HS6ST3: variants seen among roughly 807,000 people sequenced by gnomAD.
HS6ST3 encodes heparan sulfate 6-O-sulfotransferase 3.
HS6ST3 carries 12 observed loss-of-function variants against 36.7 expected under a neutral mutation model. That is an observed-to-expected ratio of 0.33 (90% CI 0.21 to 0.53). The LOEUF is 0.53. HS6ST3 is among the 20% of genes least tolerant of loss of function. The probability of loss-of-function intolerance (pLI) is 0.95; values close to 1 mark genes in which losing one functional copy is unlikely to be tolerated. For synonymous variants in HS6ST3, 240 were observed against 257.5 expected (o/e 0.93, Z 0.65); for missense variants, 584 against 640.9 (o/e 0.91, Z 0.96).
chr13:96,366,084 G>T (rs2055261164), intron 1 of HS6ST3, among the ~76,000 whole-genome samples: 1 of 152,154 alleles, frequency 6.6e-6, no homozygotes, highest in South Asian at 2.1e-4. Context: ...GGTGACTAAA[G>T]GATTAGAAGA....
chr13:96,544,391 T>A (rs1293941623), intron 1 of HS6ST3, among the ~76,000 whole-genome samples: 1 of 152,176 alleles, frequency 6.6e-6, no homozygotes, highest in African/African-American at 2.4e-5. Flanking sequence ...ACTTCCAATA[T>A]TTACATGGCT....
At chr13:96,167,690 T>C (rs908013426) in intron 1 of HS6ST3, among the ~76,000 whole-genome samples, 21 of 152,228 alleles carry the variant, frequency 1.4e-4, no homozygotes, top group Admixed American at 1.1e-3. Flanking sequence ...TTAATCATGC[T>C]GAATCGTGCA....
At chr13:96,528,715 C>G (rs999059132) in intron 1 of HS6ST3, among the ~76,000 whole-genome samples, 2 of 152,152 alleles carry the variant, frequency 1.3e-5, no homozygotes, top group South Asian at 4.1e-4. Flanking sequence ...TTACCACTTA[C>G]ATGTTGTACC....
chr13:96,513,227 G>A (rs998631036), intron 1 of HS6ST3, among the ~76,000 whole-genome samples: 6 of 150,808 alleles, frequency 4.0e-5, no homozygotes, highest in African/African-American at 1.2e-4. Context: ...GAAGTCCAGT[G>A]ACTTTCCACA....
rs1161746195 is a variant in HS6ST3, at chr13:96,838,144, A to C, written c.*4946A>C. 1 of 152,212 alleles carries C rather than the reference A, an allele frequency of 6.6e-6. No individual in the cohort carries two copies. Among genetic ancestry groups the C allele is most frequent in the Non-Finnish European group, 1.5e-5 (1 of 68,054 alleles). 9.4% of individuals were successfully genotyped at this position (152,212 alleles called of 1,614,324 possible). Reference sequence around the variant, plus strand: ...AACTCTAGAGAAAATTGTGGCTCCTAAAGGAGGCAGATCTTTCCAAGGTGG... The same window carrying C: ...AACTCTAGAGAAAATTGTGGCTCCTCAAGGAGGCAGATCTTTCCAAGGTGG... On this transcript the variant is annotated 3_prime_UTR_variant, in exon 2 of 2. Coordinates refer to ENST00000376705, the MANE Select transcript of HS6ST3 (RefSeq NM_153456.4).
intron 1 of HS6ST3, among the ~76,000 whole-genome samples, chr13:96,612,300 C>G (rs978861488): frequency 3.3e-5 from 5 of 152,010 alleles, no homozygotes; most frequent in African/African-American, 1.2e-4. Flanking sequence ...CCCAGACCCC[C>G]ACTCTTTCTT....
intron 1 of HS6ST3, among the ~76,000 whole-genome samples, chr13:96,442,020 A>G (rs2055673868): frequency 6.6e-6 from 1 of 151,734 alleles, no homozygotes; most frequent in African/African-American, 2.4e-5. Flanking sequence ...CAGAATGATA[A>G]TATAGTTTTT....
At chr13:96,211,656 T>C (rs2054399787) in intron 1 of HS6ST3, among the ~76,000 whole-genome samples, 1 of 152,164 alleles carries the variant, frequency 6.6e-6, no homozygotes, top group African/African-American at 2.4e-5. Flanking sequence ...TTCATTTTCT[T>C]CTCTTCTAGG....
chr13:96,799,743 G>T (rs1357166827), intron 1 of HS6ST3, among the ~76,000 whole-genome samples: 1 of 149,830 alleles, frequency 6.7e-6, no homozygotes, highest in Non-Finnish European at 1.5e-5. Context: ...TAACTAACCT[G>T]CACATTGTGC....
At chr13:96,427,878 G>A (rs951592941) in intron 1 of HS6ST3, among the ~76,000 whole-genome samples, 3 of 152,170 alleles carry the variant, frequency 2.0e-5, no homozygotes, top group African/African-American at 7.2e-5. Flanking sequence ...GTACTGATCA[G>A]TTGTGTTCTA....
intron 1 of HS6ST3, among the ~76,000 whole-genome samples, chr13:96,711,201 G>T (rs985080824): frequency 6.6e-6 from 1 of 151,978 alleles, no homozygotes; most frequent in Non-Finnish European, 1.5e-5. Flanking sequence ...TCTCCCCCTT[G>T]GTTGGCCACA....
intron 1 of HS6ST3, among the ~76,000 whole-genome samples, chr13:96,333,219 C>A (rs1178765248): frequency 6.6e-6 from 1 of 152,142 alleles, no homozygotes; most frequent in East Asian, 1.9e-4. Flanking sequence ...TCTTTTGGGC[C>A]ATAGGCTAAT....
At chr13:96,679,993 A>C (rs893064229) in intron 1 of HS6ST3, among the ~76,000 whole-genome samples, 1 of 152,096 alleles carries the variant, frequency 6.6e-6, no homozygotes. Context: ...AACGTGGGGA[A>C]GGAAGGCAAA....
At position 96,108,954 on chromosome 13, in the gene HS6ST3, T is replaced by A. The variant is rs2053855345; in HGVS notation, c.707+17385T>A. Reference sequence around the variant, plus strand: ...AGGTTAAATCTGTGACAACCACTCCTATCTCTATCTCTATCTCTATCTCTA... The same window carrying A: ...AGGTTAAATCTGTGACAACCACTCCAATCTCTATCTCTATCTCTATCTCTA... On this transcript the variant is annotated intron_variant, in intron 1 of 1. Transcript: ENST00000376705. Among the ~76,000 whole-genome samples, 7 of 148,472 alleles carry A rather than the reference T, an allele frequency of 4.7e-5. No homozygotes were observed. In the South Asian group the frequency reaches 1.5e-3, roughly 32 times the overall value.
intron 1 of HS6ST3, among the ~76,000 whole-genome samples, chr13:96,271,671 G>T (rs1372400094): frequency 6.6e-6 from 1 of 151,946 alleles, no homozygotes; most frequent in Non-Finnish European, 1.5e-5. Flanking sequence ...GGGAGAAGGT[G>T]ACATGTAGGA....
intron 1 of HS6ST3, among the ~76,000 whole-genome samples, chr13:96,107,732 A>G (rs536781968): frequency 9.2e-5 from 14 of 152,328 alleles, no homozygotes; most frequent in African/African-American, 3.4e-4. Context: ...AGTTCCCCAA[A>G]TTAATACATT....
At chr13:96,542,734 A>T (rs1425447877) in intron 1 of HS6ST3, among the ~76,000 whole-genome samples, 1 of 152,190 alleles carries the variant, frequency 6.6e-6, no homozygotes, top group Admixed American at 6.6e-5. Context: ...AGATCATTCA[A>T]GTATGTCCTA....
chr13:96,763,900 G>A (rs1354674217), intron 1 of HS6ST3, among the ~76,000 whole-genome samples: 1 of 152,166 alleles, frequency 6.6e-6, no homozygotes, highest in Non-Finnish European at 1.5e-5. Context: ...TGTTTTTCAA[G>A]CATAATTACT....
chr13:96,284,919 C>G (rs900970232), intron 1 of HS6ST3, among the ~76,000 whole-genome samples: 1 of 67,066 alleles, frequency 1.5e-5, no homozygotes, highest in African/African-American at 6.9e-5. Flanking sequence ...TGCTTTCTTT[C>G]TTTCTTTCTT....
Sources: allele counts gnomAD v4.1 joint callset (sites outside exome capture counted in the v4.1 genomes callset), GRCh38; gene constraint gnomAD v4.1.1; transcripts MANE v1.5; gene names NCBI Gene and HGNC (gene_info 2026-07-23, HGNC 2026-07-21).